ITSN1: variants seen among roughly 807,000 people sequenced by gnomAD.
ITSN1 encodes intersectin 1, also known as intersectin-1.
A neutral mutation model predicts 239.8 loss-of-function variants in ITSN1; 58 were observed. The observed-to-expected ratio is 0.24, with a 90% CI of 0.20 to 0.30. ITSN1 has a LOEUF of 0.30. Ranked by LOEUF, ITSN1 falls within the 10% of genes least tolerant of loss-of-function variation. ITSN1 has a pLI of 1.00. For missense variants in ITSN1, 1,558 were observed against 2,103.3 expected, an observed-to-expected ratio of 0.74 and a Z score of 5.07; for synonymous variants, 780 against 770.8, an observed-to-expected ratio of 1.01 and a Z score of -0.20.
intron 31 of ITSN1, among the ~76,000 whole-genome samples, chr21:33,863,179 T>C (rs780174955): frequency 6.6e-6 from 1 of 152,224 alleles, no homozygotes; most frequent in Non-Finnish European, 1.5e-5. Flanking sequence ...CTGAATCTAA[T>C]AGGTGCCTAG....
chr21:33,880,682 C>T (rs988926383), intron 34 of ITSN1, among the ~76,000 whole-genome samples: 23 of 152,110 alleles, frequency 1.5e-4, no homozygotes, highest in Admixed American at 7.2e-4. Context: ...ATGTTACGAA[C>T]CTATCACTCC....
At chr21:33,767,170 A>AAAAAT (rs904213656) in intron 10 of ITSN1, among the ~76,000 whole-genome samples, 1 of 152,190 alleles carries the variant, frequency 6.6e-6, no homozygotes. Context: ...CTTTGTCTCA[A>AAAAAT]AAAATAAAAT....
chr21:33,714,430 G>A (rs759046452), intron 1 of ITSN1, among the ~76,000 whole-genome samples: 25 of 152,216 alleles, frequency 1.6e-4, no homozygotes, highest in Non-Finnish European at 2.9e-4. Context: ...GCTTTTGGAG[G>A]GTAGAGATTC....
intron 20 of ITSN1, among the ~76,000 whole-genome samples, chr21:33,810,706 G>C (rs2072839870): frequency 1.3e-5 from 2 of 152,108 alleles, no homozygotes; most frequent in African/African-American, 4.8e-5. Flanking sequence ...CAGGACTCCA[G>C]GCACTTTGTC....
intron 34 of ITSN1, among the ~76,000 whole-genome samples, chr21:33,878,008 TTGTGTGTGTGTGTGTGTGTGTG>T (rs71194867): frequency 5.0e-5 from 7 of 140,230 alleles, no homozygotes; most frequent in African/African-American, 1.9e-4. Flanking sequence ...CTCTCTCTCT[TTGTGTGTGTGTGTGTGTGTGTG>T]TGTGTGTGTG....
At chr21:33,813,873 G>C in intron 21 of ITSN1, 40 bp from the exon 22 acceptor site, 9 of 1,597,938 alleles carry the variant, frequency 5.6e-6, no homozygotes, top group Non-Finnish European at 7.7e-6. Context: ...GGTATATTAG[G>C]GAGTGCTTGT....
intron 29 of ITSN1, among the ~76,000 whole-genome samples, chr21:33,842,457 AGC>A (rs1297446960): frequency 2.0e-5 from 3 of 152,004 alleles, no homozygotes; most frequent in Non-Finnish European, 4.4e-5. Context: ...ACCTCTTAGA[AGC>A]TACCAGCTAC....
intron 14 of ITSN1, among the ~76,000 whole-genome samples, chr21:33,775,995 T>G (rs990068267): frequency 1.3e-5 from 2 of 152,198 alleles, no homozygotes; most frequent in African/African-American, 4.8e-5. Context: ...TATGTTAGGC[T>G]TTTTCTCAGC....
At chr21:33,820,816 G>A (rs2073623967) in intron 24 of ITSN1, among the ~76,000 whole-genome samples, 1 of 152,044 alleles carries the variant, frequency 6.6e-6, no homozygotes. Flanking sequence ...ACCACATGCA[G>A]TCAGTTTAGT....
chr21:33,719,952 T>C (rs371805547), intron 2 of ITSN1, among the ~76,000 whole-genome samples: 3 of 152,254 alleles, frequency 2.0e-5, no homozygotes, highest in Non-Finnish European at 2.9e-5. Context: ...TCTTGGAAGC[T>C]GTCTAATCTT....
intron 4 of ITSN1, 107 bp from the exon 5 acceptor site, chr21:33,734,937 A>G: frequency 1.2e-6 from 1 of 860,556 alleles, no homozygotes; most frequent in Non-Finnish European, 1.8e-6. Context: ...TGTTGTCTCT[A>G]GGGGTAAGAG....
At chr21:33,803,701 G>A (rs529690286) in intron 20 of ITSN1, among the ~76,000 whole-genome samples, 1 of 152,246 alleles carries the variant, frequency 6.6e-6, no homozygotes. Flanking sequence ...AGACTTCTAT[G>A]TTATTTTCAT....
At chr21:33,746,725 C>G (rs565784053) in intron 5 of ITSN1, among the ~76,000 whole-genome samples, 119 of 152,002 alleles carry the variant, frequency 7.8e-4, no homozygotes, top group African/African-American at 2.8e-3. Flanking sequence ...GCCTATAATC[C>G]CAGCTATGTG....
At chr21:33,788,955 T>A (rs1357786216) in intron 16 of ITSN1, among the ~76,000 whole-genome samples, 1 of 152,152 alleles carries the variant, frequency 6.6e-6, no homozygotes, top group African/African-American at 2.4e-5. Flanking sequence ...AATAAATAAA[T>A]TTTTTAAATG....
intron 14 of ITSN1, among the ~76,000 whole-genome samples, chr21:33,781,131 T>A (rs1054158377): frequency 1.3e-5 from 2 of 152,218 alleles, no homozygotes; most frequent in African/African-American, 4.8e-5. Context: ...TTGCATTTGA[T>A]CCCGGTGCCA....
At chr21:33,864,348 C>T (rs1034649928) in intron 31 of ITSN1, among the ~76,000 whole-genome samples, 10 of 152,106 alleles carry the variant, frequency 6.6e-5, no homozygotes, top group Non-Finnish European at 1.2e-4. Context: ...CTGTCCTTAC[C>T]GTGTATAAGC....
chr21:33,666,484 A>G (rs952689928), intron 1 of ITSN1, among the ~76,000 whole-genome samples: 3 of 152,216 alleles, frequency 2.0e-5, no homozygotes, highest in Admixed American at 2.0e-4. Flanking sequence ...ATATTTCGAC[A>G]TGACGTTTTT....
chr21:33,889,029 A>C lies in ITSN1; in HGVS notation c.*729A>C, dbSNP rs1351379678. The C allele has an allele frequency of 6.6e-6, 1 of 151,990 alleles. No homozygotes were observed. Among genetic ancestry groups the C allele is most frequent in the Non-Finnish European group, 1.5e-5 (1 of 68,036 alleles). The allele number at this position is 151,990 out of a possible 1,614,324, so 9.4% of individuals were successfully genotyped here. A position where few individuals can be genotyped will look rare whatever the true frequency, so the allele number is the denominator to read the frequency against. ...TTCCCAGCATGCTTAGAATATGGTC[A>C]CAGAAAGTCATTATCTAGAAAGTCA... On this transcript the variant is annotated 3_prime_UTR_variant, in exon 40 of 40. Coordinates refer to ENST00000381318, the MANE Select transcript of ITSN1 (RefSeq NM_003024.3).
intron 1 of ITSN1, chr21:33,643,554 T>A (rs2087641180): frequency 6.6e-6 from 1 of 152,038 alleles, no homozygotes; most frequent in Non-Finnish European, 1.5e-5. Flanking sequence ...TCTTTTGTTG[T>A]GATTCAGACT....
Sources: allele counts gnomAD v4.1 joint callset (sites outside exome capture counted in the v4.1 genomes callset), GRCh38; gene constraint gnomAD v4.1.1; transcripts MANE v1.5; gene names NCBI Gene and HGNC (gene_info 2026-07-23, HGNC 2026-07-21).